Variants in MTUS1 observed in about 807,000 individuals in gnomAD.
MTUS1 encodes microtubule associated scaffold protein 1.
In MTUS1, 109 loss-of-function variants were observed where a neutral mutation model predicts 120.8. That is an observed-to-expected ratio of 0.90 (90% CI 0.77 to 1.06). The LOEUF (loss-of-function observed/expected upper bound fraction) is 1.06, where lower values mean the gene tolerates loss of function less well. Among genes scored for constraint, MTUS1 ranks in the 50% least tolerant of loss-of-function variants. The pLI, the probability that MTUS1 is intolerant of heterozygous loss-of-function variation, is 0.00. For synonymous variants in MTUS1, 737 were observed against 550.5 expected (o/e 1.34, Z -4.74); for missense variants, 2,210 against 1,486.3 (o/e 1.49, Z -8.01).
At chr8:17,718,799 G>C (rs994468618) in intron 4 of MTUS1, among the ~76,000 whole-genome samples, 2 of 151,656 alleles carry the variant, frequency 1.3e-5, no homozygotes, top group African/African-American at 4.8e-5. Context: ...AAATAAAGGA[G>C]CTGGTGAGTC....
chr8:17,739,627 G>A lies in MTUS1; in HGVS notation c.2287+3977C>T, dbSNP rs923167764. On this transcript the variant is annotated intron_variant, in intron 3 of 14. Coordinates refer to ENST00000693296, the MANE Select transcript of MTUS1 (RefSeq NM_001363059.2). ...TGAATCCCACCTCTGCCACTTTCCAGCTGTTTAACATTGGACAAATTATTT... is the reference window on the plus strand; with the variant it reads ...TGAATCCCACCTCTGCCACTTTCCAACTGTTTAACATTGGACAAATTATTT... Among the ~76,000 whole-genome samples the A allele has an allele frequency of 2.0e-5, 3 of 152,252 alleles. No homozygotes were observed. In the East Asian group the frequency reaches 5.8e-4, roughly 29 times the overall value.
At chr8:17,779,956 A>G (rs1242976065) in intron 1 of MTUS1, among the ~76,000 whole-genome samples, 3 of 152,210 alleles carry the variant, frequency 2.0e-5, no homozygotes. Flanking sequence ...GTTTAACAGG[A>G]ATCTCTGACA....
chr8:17,769,921 C>G (rs1017879060), intron 1 of MTUS1, among the ~76,000 whole-genome samples: 14 of 39,284 alleles, frequency 3.6e-4, no homozygotes, highest in Admixed American at 7.4e-4. Flanking sequence ...CACACACACA[C>G]ACACACGGGG....
At chr8:17,700,530 A>G (rs1432328719) in intron 6 of MTUS1, among the ~76,000 whole-genome samples, 1 of 151,386 alleles carries the variant, frequency 6.6e-6, no homozygotes. Flanking sequence ...AGTGGAAAAC[A>G]AAAACATGAT....
intron 13 of MTUS1, among the ~76,000 whole-genome samples, chr8:17,648,207 A>G (rs1806241772): frequency 6.6e-6 from 1 of 152,192 alleles, no homozygotes; most frequent in Non-Finnish European, 1.5e-5. Flanking sequence ...TGTGCTTCTA[A>G]GTCTCTTAAT....
intron 8 of MTUS1, among the ~76,000 whole-genome samples, chr8:17,671,987 A>T (rs948596240): frequency 6.6e-6 from 1 of 152,154 alleles, no homozygotes; most frequent in Non-Finnish European, 1.5e-5. Flanking sequence ...ACCAGCGAAA[A>T]AACCATACTC....
At chr8:17,691,362 T>C (rs757321461) in intron 6 of MTUS1, 14 of 152,242 alleles carry the variant, frequency 9.2e-5, no homozygotes, top group Non-Finnish European at 1.6e-4. Context: ...TTGAAAGCTG[T>C]AACTACAAAA....
At chr8:17,752,836 AG>A (rs2048302973) in intron 2 of MTUS1, among the ~76,000 whole-genome samples, 1 of 152,170 alleles carries the variant, frequency 6.6e-6, no homozygotes, top group Admixed American at 6.5e-5. Context: ...AATACACCTA[AG>A]TCCCCACTGC....
chr8:17,784,221 T>A (rs1186577796), intron 1 of MTUS1, among the ~76,000 whole-genome samples: 1 of 151,916 alleles, frequency 6.6e-6, no homozygotes, highest in African/African-American at 2.4e-5. Flanking sequence ...TTGAGAATAC[T>A]CCTACTCCCT....
At chr8:17,799,065 C>A (rs1292287198) in intron 1 of MTUS1, among the ~76,000 whole-genome samples, 1 of 151,020 alleles carries the variant, frequency 6.6e-6, no homozygotes, top group Non-Finnish European at 1.5e-5. Flanking sequence ...GACAAGAATA[C>A]GGTAACACCA....
intron 3 of MTUS1, 70 bp downstream of exon 3, chr8:17,743,534 G>C: frequency 7.0e-7 from 1 of 1,430,248 alleles, no homozygotes; most frequent in Non-Finnish European, 9.6e-7. Context: ...GAAGGCATTA[G>C]ACCTATAATC....
rs113383527 is a variant in MTUS1, at chr8:17,645,581, T to A, written c.*345A>T. ...CTGTGGTGAAGAACATTACAAAGGT[T>A]ATAAATCTTAATAGGGCCCTGAGAG... On this transcript the variant is annotated 3_prime_UTR_variant, in exon 15 of 15. Transcript: ENST00000693296. The A allele has an allele frequency of 3.2e-3, 620 of 195,712 alleles. 8 individuals carry two copies. The highest frequency in any genetic ancestry group is 0.014 in the African/African-American group (600 of 42,614). 12.1% of individuals were successfully genotyped at this position (195,712 alleles called of 1,614,324 possible).
At chr8:17,674,691 C>A (rs1381359643) in intron 8 of MTUS1, 7 of 987,474 alleles carry the variant, frequency 7.1e-6, no homozygotes, top group Admixed American at 6.1e-5. Flanking sequence ...CATCAGCCCC[C>A]CTCCAAATAG....
chr8:17,732,706 C>G (rs1253498721), intron 3 of MTUS1, among the ~76,000 whole-genome samples: 1 of 152,170 alleles, frequency 6.6e-6, no homozygotes, highest in East Asian at 1.9e-4. Flanking sequence ...TGTGTTTCCA[C>G]CATCCATTCC....
At chr8:17,658,625 A>C (rs1367524727) in intron 8 of MTUS1, among the ~76,000 whole-genome samples, 1 of 152,188 alleles carries the variant, frequency 6.6e-6, no homozygotes, top group Non-Finnish European at 1.5e-5. Context: ...AAATCTGTTA[A>C]ATTAACCCTT....
intron 7 of MTUS1, chr8:17,681,439 T>C (rs1355344383): frequency 6.5e-6 from 1 of 152,890 alleles, no homozygotes; most frequent in Non-Finnish European, 1.5e-5. Context: ...TAGGTTTACG[T>C]CCTGGTTCTC....
chr8:17,734,945 G>A (rs1017414725), intron 3 of MTUS1, among the ~76,000 whole-genome samples: 11 of 151,198 alleles, frequency 7.3e-5, no homozygotes, highest in African/African-American at 1.7e-4. Flanking sequence ...AGAGGGTCTC[G>A]CTCTGTCACC....
chr8:17,743,042 G>A (rs1402559663), intron 3 of MTUS1, among the ~76,000 whole-genome samples: 1 of 150,832 alleles, frequency 6.6e-6, no homozygotes, highest in Non-Finnish European at 1.5e-5. Context: ...AATTTAGTAT[G>A]ATACTTAATA....
At chr8:17,678,530 T>G (rs1005678930) in intron 7 of MTUS1, among the ~76,000 whole-genome samples, 3 of 152,092 alleles carry the variant, frequency 2.0e-5, no homozygotes, top group African/African-American at 7.2e-5. Flanking sequence ...TGCCTGCATT[T>G]TTGCTAGCCA....
Sources: allele counts gnomAD v4.1 joint callset (sites outside exome capture counted in the v4.1 genomes callset), GRCh38; gene constraint gnomAD v4.1.1; transcripts MANE v1.5; gene names NCBI Gene and HGNC (gene_info 2026-07-23, HGNC 2026-07-21).